Variants in PLA2G6 observed in about 807,000 individuals in gnomAD.
PLA2G6 encodes the protein 85/88 kDa calcium-independent phospholipase A2.
Under a neutral mutation model 83.8 loss-of-function variants are expected in PLA2G6, and 62 were observed. The observed-to-expected ratio is 0.74, with a 90% confidence interval of 0.60 to 0.91. The LOEUF is 0.91. PLA2G6 is among the 40% of genes least tolerant of loss of function. The probability of loss-of-function intolerance (pLI) is 0.00; values close to 1 mark genes in which losing one functional copy is unlikely to be tolerated. For missense variants in PLA2G6, 944 were observed against 1,102.0 expected, an observed-to-expected ratio of 0.86 and a Z score of 2.03; for synonymous variants, 417 against 449.8, an observed-to-expected ratio of 0.93 and a Z score of 0.92.
chr22:38,152,287 A>C (rs1261310808), intron 2 of PLA2G6, among the ~76,000 whole-genome samples: 1 of 150,972 alleles, frequency 6.6e-6, no homozygotes, highest in Non-Finnish European at 1.5e-5. Context: ...TGCAACCTCC[A>C]CCTCCTGGAT....
chr22:38,111,988 G>A lies in PLA2G6; in HGVS notation c.*173C>T. 4.2e-6 allele frequency: 3 copies of A among 708,844 alleles called. No individual in the cohort carries two copies. Among genetic ancestry groups the A allele is most frequent in the African/African-American group, 1.8e-5 (1 of 56,888 alleles). 43.9% of individuals were successfully genotyped at this position (708,844 alleles called of 1,614,324 possible). ...AAGTGCTGGAAGGCGGGGTTAGTGG[G>A]AGACAGGCCTTCAGGACCAGCCTCG... On this transcript the variant is annotated 3_prime_UTR_variant, in exon 17 of 17. Coordinates refer to ENST00000332509, the MANE Select transcript of PLA2G6 (RefSeq NM_003560.4).
chr22:38,133,375 A>C (rs1324812603), intron 6 of PLA2G6: 2 of 306,440 alleles, frequency 6.5e-6, no homozygotes, highest in East Asian at 1.4e-4. Flanking sequence ...ATCACCTCTC[A>C]CTGGGCCTTG....
chr22:38,145,590 C>T lies in PLA2G6; in HGVS notation c.273G>A (p.Leu91=). 5 of 1,613,864 alleles carry T rather than the reference C, an allele frequency of 3.1e-6. No homozygotes were observed. The South Asian group carries it at 5.5e-5, about 18-fold the overall frequency. The change falls in exon 3 of 17, where the codon CTG becomes CTA. Residue 91 remains leucine, a synonymous_variant. Transcript: ENST00000332509. ...GAGGGGAGCTCTCATAGAAGGGTAGCAGCTGGGAAGAATACTGATGGAAAT... is the reference window on the plus strand; with the variant it reads ...GAGGGGAGCTCTCATAGAAGGGTAGTAGCTGGGAAGAATACTGATGGAAAT... ...LVNFHQYSSQ[L]LPFYESSPQV... is the part of the protein sequence containing the mutation.
At chr22:38,131,909 G>A (rs889226764) in intron 7 of PLA2G6, 33 of 332,276 alleles carry the variant, frequency 9.9e-5, no homozygotes, top group African/African-American at 6.7e-4. Flanking sequence ...CAACACAGGA[G>A]TTCGAGACCA....
chr22:38,120,612 T>C, intron 12 of PLA2G6, 147 bp downstream of exon 12: 2 of 979,730 alleles, frequency 2.0e-6, no homozygotes, highest in Non-Finnish European at 3.2e-6. Context: ...CCCAGCCCTC[T>C]GCCTCCCTGG....
intron 2 of PLA2G6, among the ~76,000 whole-genome samples, chr22:38,154,766 C>G (rs1348191391): frequency 6.6e-6 from 1 of 152,166 alleles, no homozygotes; most frequent in African/African-American, 2.4e-5. Context: ...ACCAAATGAA[C>G]TAATTAAGGT....
Position 38,132,795 on chromosome 22 carries a change from G to C in PLA2G6, c.1077+36C>G. ...GACAGCCCTCCTGCATTCCCACCGG[G>C]GCCCCACAGGGCAGGACACGCGGTC... On this transcript the variant is annotated intron_variant, in intron 7 of 16. Transcript: ENST00000332509. The surrounding 1 kb of genome is among the most constrained non-coding windows in gnomAD (Gnocchi z 5.0). 1 of 1,526,192 alleles carries C rather than the reference G, an allele frequency of 6.6e-7. No homozygotes were observed. Among genetic ancestry groups the C allele is most frequent in the Middle Eastern group, 2.2e-4 (1 of 4,446 alleles). 94.5% of individuals were successfully genotyped at this position (1,526,192 alleles called of 1,614,324 possible). A position where few individuals can be genotyped will look rare whatever the true frequency, so the allele number is the denominator to read the frequency against.
At chr22:38,114,124 G>A (rs2087043100) in intron 14 of PLA2G6, among the ~76,000 whole-genome samples, 1 of 152,176 alleles carries the variant, frequency 6.6e-6, no homozygotes, top group Non-Finnish European at 1.5e-5. Context: ...AGCAGCTGCA[G>A]GGGCCACGTG....
intron 1 of PLA2G6, among the ~76,000 whole-genome samples, chr22:38,174,656 C>T (rs961677329): frequency 2.0e-5 from 3 of 152,088 alleles, no homozygotes; most frequent in Non-Finnish European, 2.9e-5. Flanking sequence ...GGGGAAATGG[C>T]GAGAGGCCTT....
At position 38,140,039 on chromosome 22, in the gene PLA2G6, T is replaced by C. The variant is rs1293603345; in HGVS notation, c.740A>G (p.Asn247Ser). Residue 247 changes from asparagine to serine, a missense_variant, in exon 5 of 17, where the codon AAC (asparagine) becomes AGC (serine). Coordinates refer to ENST00000332509, the MANE Select transcript of PLA2G6 (RefSeq NM_003560.4). ...GGGGTAGCCGTTGGGGCCCATGATG[T>C]TGCACCGAGCATTGCACAGCAGCAG... Reference protein sequence around the residue: ...RVLLLCNARCNIMGPNGYPIH... With the variant: ...RVLLLCNARCSIMGPNGYPIH... The C allele has an allele frequency of 6.2e-7, 1 of 1,612,914 alleles. No homozygotes were observed. Among genetic ancestry groups the C allele is most frequent in the African/African-American group, 1.3e-5 (1 of 74,880 alleles).
In PLA2G6 at chr22:38,128,358, C is replaced by A. The variant is rs2087997603; in HGVS notation, c.1259G>T (p.Gly420Val). ...TGCAGAGCCCTGCTCCGCGGGGACC[C>A]CGTGGATGGGTGGGAAGCAGTATTC... The part of the protein sequence containing the change: ...GAEYCFPPIH[G>V]VPAEQGSAAP... Residue 420 changes from glycine (G) to valine (V), a missense_variant, in exon 9 of 17, where the codon GGG becomes GTG. By Grantham distance (109) the Gly-to-Val change is moderately radical. Transcript: ENST00000332509. The surrounding 1 kb of genome is among the most constrained non-coding windows in gnomAD (Gnocchi z 4.4). 1.2e-6 allele frequency: 2 copies of A among 1,613,714 alleles called. No individual in the cohort carries two copies. The highest frequency in any genetic ancestry group is 1.7e-6 in the Non-Finnish European group (2 of 1,179,998).
At chr22:38,157,515 T>C (rs2089831388) in intron 2 of PLA2G6, among the ~76,000 whole-genome samples, 1 of 152,158 alleles carries the variant, frequency 6.6e-6, no homozygotes, top group African/African-American at 2.4e-5. Context: ...CACTGCTTAA[T>C]TTTACCAAAC....
At position 38,120,653 on chromosome 22, in the gene PLA2G6, T is replaced by TG; in HGVS notation, c.1742+105dup. The TG allele has an allele frequency of 3.7e-6, 5 of 1,365,640 alleles. No individual in the cohort carries two copies. The South Asian group carries it at 4.6e-5, about 13-fold the overall frequency. 84.6% of individuals were successfully genotyped at this position (1,365,640 alleles called of 1,614,324 possible). A position where few individuals can be genotyped will look rare whatever the true frequency, so the allele number is the denominator to read the frequency against. ...GGGTTCCCTCTGCTCCCCTCAAGCG[T>TG]GGGGCGCTCTTCCCCCTCCCTCAGC... is the stretch of plus-strand genomic sequence containing the variant. On this transcript the variant is annotated intron_variant, in intron 12 of 16. Transcript: ENST00000332509.
At chr22:38,170,678 C>T (rs2090403907) in intron 1 of PLA2G6, among the ~76,000 whole-genome samples, 1 of 152,114 alleles carries the variant, frequency 6.6e-6, no homozygotes, top group African/African-American at 2.4e-5. Context: ...GCCTCTGTGC[C>T]AAGATGTCAC....
chr22:38,169,734 G>A (rs2090361134), intron 1 of PLA2G6, among the ~76,000 whole-genome samples: 1 of 152,238 alleles, frequency 6.6e-6, no homozygotes, highest in Non-Finnish European at 1.5e-5. Flanking sequence ...GACCTTAACT[G>A]CCTGCTTCCT....
rs1371475222 is a variant in PLA2G6, at chr22:38,128,759, T to C, written c.1187-329A>G. On this transcript the variant is annotated intron_variant, in intron 8 of 16. Coordinates refer to ENST00000332509, the MANE Select transcript of PLA2G6 (RefSeq NM_003560.4). This position sits in a 1 kb window ranked among gnomAD's most constrained non-coding sequence, Gnocchi z 4.4. ...GGCCACATTCAGTGATTCTCAAAAA[T>C]GCTAAGTGATAGTTCAGGGTTCCAA... is the stretch of plus-strand genomic sequence containing the variant. Among the ~76,000 whole-genome samples the C allele has an allele frequency of 6.6e-6, 1 of 152,172 alleles. No individual in the cohort carries two copies. The highest frequency in any genetic ancestry group is 1.5e-5 in the Non-Finnish European group (1 of 68,030).
intron 12 of PLA2G6, among the ~76,000 whole-genome samples, chr22:38,116,628 G>C (rs1228889261): frequency 6.6e-6 from 1 of 152,108 alleles, no homozygotes; most frequent in Non-Finnish European, 1.5e-5. Flanking sequence ...GCCGAGGCAG[G>C]TGGATCACCT....
intron 5 of PLA2G6, chr22:38,136,740 C>CTTTTTTTTTT (rs35788613): frequency 1.7e-5 from 2 of 118,590 alleles, no homozygotes; most frequent in African/African-American, 3.3e-5. Context: ...CTCAATAAAG[C>CTTTTTTTTTT]TTTTTTTTTT....
intron 14 of PLA2G6, chr22:38,113,942 G>C (rs1279166888): frequency 1.9e-6 from 1 of 514,226 alleles, no homozygotes; most frequent in African/African-American, 1.9e-5. Context: ...CCCATCTGAT[G>C]CTGGCCCAAG....
Sources: gnomAD v4.1 joint callset for allele counts (sites outside exome capture counted in the v4.1 genomes callset) on GRCh38, gnomAD v4.1.1 for gene constraint, Gnocchi (gnomAD v3.1) non-coding constraint, MANE v1.5 for transcripts, NCBI Gene and HGNC (gene_info 2026-07-23, HGNC 2026-07-21) for gene names.